ADAMDEC1: variants seen among roughly 807,000 people sequenced by gnomAD.
ADAMDEC1 encodes the protein ADAM like decysin 1, also known as ADAM DEC1.
A neutral mutation model predicts 60.4 loss-of-function variants in ADAMDEC1; 62 were observed. That is an observed-to-expected ratio of 1.03 (90% CI 0.84 to 1.27). The LOEUF (loss-of-function observed/expected upper bound fraction) is 1.27. ADAMDEC1 is among the 50% of genes most tolerant of loss of function. The probability of loss-of-function intolerance (pLI) is 0.00; values close to 1 mark genes in which losing one functional copy is unlikely to be tolerated. For missense variants in ADAMDEC1, 595 were observed against 565.0 expected, an observed-to-expected ratio of 1.05 and a Z score of -0.54; for synonymous variants, 210 against 195.1, an observed-to-expected ratio of 1.08 and a Z score of -0.64.
chr8:24,390,022 G>T, intron 1 of ADAMDEC1: 3 of 354,754 alleles, frequency 8.5e-6, no homozygotes, highest in Non-Finnish European at 1.7e-5. Flanking sequence ...CATAATGTAT[G>T]CTTCATATGT....
chr8:24,400,676 T>C (rs1817740833), intron 11 of ADAMDEC1, among the ~76,000 whole-genome samples: 1 of 151,698 alleles, frequency 6.6e-6, no homozygotes, highest in Non-Finnish European at 1.5e-5. Context: ...CTAGGGTACA[T>C]GTGCACAACC....
chr8:24,393,167 G>T, intron 2 of ADAMDEC1, 95 bp from the exon 3 acceptor site: 1 of 680,692 alleles, frequency 1.5e-6, no homozygotes, highest in Non-Finnish European at 2.3e-6. Flanking sequence ...TATCCTATAT[G>T]CATTTGTAAT....
At chr8:24,387,261 AT>A (rs1219128734) in intron 1 of ADAMDEC1, 2 of 151,940 alleles carry the variant, frequency 1.3e-5, no homozygotes, top group African/African-American at 4.8e-5. Flanking sequence ...TATCCCTTGT[AT>A]TTTTTCCAAT....
intron 1 of ADAMDEC1, among the ~76,000 whole-genome samples, chr8:24,389,413 C>T (rs1817380096): frequency 6.6e-6 from 1 of 152,128 alleles, no homozygotes; most frequent in South Asian, 2.1e-4. Context: ...TTTGACCACA[C>T]CTCACTGCTT....
chr8:24,400,349 T>C, intron 11 of ADAMDEC1, 49 bp downstream of exon 11: 1 of 1,550,196 alleles, frequency 6.5e-7, no homozygotes, highest in Non-Finnish European at 8.7e-7. Context: ...CAAATCTTTT[T>C]TTTTTCTGAA....
At chr8:24,384,694 G>T (rs1817249730) in intron 1 of ADAMDEC1, 102 bp downstream of exon 1, 2 of 1,063,468 alleles carry the variant, frequency 1.9e-6, no homozygotes, top group Admixed American at 2.8e-5. Context: ...ATGGTCGAAA[G>T]ACCATTACCA....
rs761927363 is a variant in ADAMDEC1 at position 24,402,003 on chromosome 8, G to C, written c.1231G>C (p.Ala411Pro). The C allele has an allele frequency of 1.2e-6, 2 of 1,613,280 alleles. No homozygotes were observed. The highest frequency in any genetic ancestry group is 2.2e-5 in the South Asian group (2 of 91,052). Reference protein sequence around the residue: ...LSQKPKCLLQAPIPTNIMTTP... With the variant: ...LSQKPKCLLQPPIPTNIMTTP... ...TCAGAAACCAAAGTGCCTGCTGCAA[G>C]CACCTATTCCTACAAATATAATGAC... The change falls in exon 12 of 14, where the codon GCA becomes CCA. Residue 411 changes from alanine (A) to proline (P), a missense_variant. By Grantham distance (27) the Ala-to-Pro change is conservative. Coordinates refer to ENST00000256412, the MANE Select transcript of ADAMDEC1 (RefSeq NM_014479.3).
intron 1 of ADAMDEC1, among the ~76,000 whole-genome samples, chr8:24,391,385 T>C (rs1817441027): frequency 1.3e-5 from 2 of 152,198 alleles, no homozygotes; most frequent in Non-Finnish European, 2.9e-5. Context: ...TAATTTTATA[T>C]ATTTTATCTT....
In ADAMDEC1 at chr8:24,405,367, G is replaced by C; in HGVS notation, c.*69G>C. The C allele has an allele frequency of 6.4e-7, 1 of 1,558,720 alleles. No homozygotes were observed. Among genetic ancestry groups the C allele is most frequent in the Non-Finnish European group, 8.8e-7 (1 of 1,136,658 alleles). ...GAACCAAGAACTCTAACTGTCCCAG[G>C]AATCTTGTGAATTTTCACCCATAAT... On this transcript the variant is annotated 3_prime_UTR_variant, in exon 14 of 14. Transcript: ENST00000256412.
At position 24,384,521 on chromosome 8, in the gene ADAMDEC1, C is replaced by T; in HGVS notation, c.17C>T (p.Ser6Phe). ...CACAACTTCATGCTGCGTGGGATCT[C>T]CCAGCTACCTGCAGTGGCCACCATG... is the stretch of plus-strand genomic sequence containing the variant. MLRGI[S>F]QLPAVATMSW... Residue 6 changes from serine (S) to phenylalanine (F), a missense_variant, in exon 1 of 14, where the codon TCC becomes TTC. By Grantham distance (155) the Ser-to-Phe change is radical (BLOSUM62 -2). Coordinates refer to ENST00000256412, the MANE Select transcript of ADAMDEC1 (RefSeq NM_014479.3). 1 of 1,609,068 alleles carries T rather than the reference C, an allele frequency of 6.2e-7. No homozygotes were observed. Among genetic ancestry groups the T allele is most frequent in the Non-Finnish European group, 8.5e-7 (1 of 1,177,558 alleles).
At chr8:24,386,112 C>T (rs1817284530) in intron 1 of ADAMDEC1, among the ~76,000 whole-genome samples, 2 of 152,110 alleles carry the variant, frequency 1.3e-5, no homozygotes, top group Admixed American at 6.6e-5. Flanking sequence ...GTCTATGATG[C>T]CCATAGTGCC....
chr8:24,390,337 C>A, intron 1 of ADAMDEC1: 1 of 346,354 alleles, frequency 2.9e-6, no homozygotes, highest in Non-Finnish European at 4.8e-6. Context: ...TAATATTGAC[C>A]CAATGTCTCC....
In ADAMDEC1 at chr8:24,395,797, G is replaced by A. The variant is rs1267659000; in HGVS notation, c.440+1G>A. ...GCATCAGTACTTGTGACGGGTTGAGGTAAGAACTACCATCAAAATTACTCA... is the reference window on the plus strand; with the variant it reads ...GCATCAGTACTTGTGACGGGTTGAGATAAGAACTACCATCAAAATTACTCA... On this transcript the variant is annotated splice_donor_variant, in intron 5 of 13. Transcript: ENST00000256412. LOFTEE classifies it high-confidence loss of function. 3 of 1,610,156 alleles carry A rather than the reference G, an allele frequency of 1.9e-6. No homozygotes were observed. The Admixed American group carries it at 5.0e-5, about 27-fold the overall frequency.
chr8:24,395,657 C>T (rs1244944269), intron 4 of ADAMDEC1, 63 bp from the exon 5 acceptor site: 14 of 1,089,194 alleles, frequency 1.3e-5, no homozygotes, highest in Non-Finnish European at 1.9e-5. Flanking sequence ...ATACATTACA[C>T]ACACACTCAC....
chr8:24,405,357 A>G lies in ADAMDEC1; in HGVS notation c.*59A>G. On this transcript the variant is annotated 3_prime_UTR_variant, in exon 14 of 14. Transcript: ENST00000256412. ...GCCAGGACAAGAACCAAGAACTCTA[A>G]CTGTCCCAGGAATCTTGTGAATTTT... 2 of 1,588,986 alleles carry G rather than the reference A, an allele frequency of 1.3e-6. No homozygotes were observed. Among genetic ancestry groups the G allele is most frequent in the South Asian group, 1.1e-5 (1 of 89,024 alleles).
chr8:24,397,690 A>C lies in ADAMDEC1; in HGVS notation c.635A>C (p.Asp212Ala). 1 of 1,612,310 alleles carries C rather than the reference A, an allele frequency of 6.2e-7. No homozygotes were observed. The highest frequency in any genetic ancestry group is 8.5e-7 in the Non-Finnish European group (1 of 1,178,688). ...SRSLKSPEKEDFLRAQKYIDL... is the reference protein window; with the variant it reads ...SRSLKSPEKEAFLRAQKYIDL... ...CTTTTATTCTTTGTAAAGAAAGAAG[A>C]CTTTCTTCGGGCACAGAAATACATT... is the stretch of plus-strand genomic sequence containing the variant. The change falls in exon 7 of 14, where the codon GAC (aspartate) becomes GCC (alanine). Residue 212 changes from aspartate to alanine, a missense_variant. Physicochemically the swap from Asp to Ala is moderately radical, Grantham distance 126. Coordinates refer to ENST00000256412, the MANE Select transcript of ADAMDEC1 (RefSeq NM_014479.3).
chr8:24,391,838 A>C (rs1224848055), intron 1 of ADAMDEC1, among the ~76,000 whole-genome samples: 1 of 152,138 alleles, frequency 6.6e-6, no homozygotes, highest in Non-Finnish European at 1.5e-5. Context: ...AAAGGGTATA[A>C]AAAAGAAAAA....
At chr8:24,396,293 G>C (rs186544652) in intron 5 of ADAMDEC1, among the ~76,000 whole-genome samples, 13 of 152,262 alleles carry the variant, frequency 8.5e-5, no homozygotes, top group African/African-American at 3.1e-4. Context: ...GGCAGATCAG[G>C]AGGTCAGAAG....
intron 5 of ADAMDEC1, among the ~76,000 whole-genome samples, chr8:24,396,904 G>C (rs1051685037): frequency 6.6e-6 from 1 of 152,176 alleles, no homozygotes; most frequent in Non-Finnish European, 1.5e-5. Flanking sequence ...CCCCTCTGGG[G>C]TTCTTGCTAT....
Sources: allele counts gnomAD v4.1 joint callset (sites outside exome capture counted in the v4.1 genomes callset), GRCh38; gene constraint gnomAD v4.1.1; transcripts MANE v1.5; gene names NCBI Gene and HGNC (gene_info 2026-07-23, HGNC 2026-07-21).